ABCA7: variants seen among roughly 807,000 people sequenced by gnomAD.
The protein encoded by ABCA7 is phospholipid-transporting ATPase ABCA7.
ABCA7 carries 261 observed loss-of-function variants against 227.6 expected under a neutral mutation model. The ratio of observed to expected loss-of-function variants is 1.15; its 90% CI spans 1.04 to 1.27. The LOEUF is 1.27. Ranked by LOEUF, ABCA7 falls within the 50% of genes most tolerant of loss-of-function variation. The probability of loss-of-function intolerance (pLI) is 0.00; values close to 1 mark genes in which losing one functional copy is unlikely to be tolerated. For synonymous variants in ABCA7, 1,488 were observed against 1,279.7 expected, an observed-to-expected ratio of 1.16 and a Z score of -3.47; for missense variants, 3,331 against 2,924.5, an observed-to-expected ratio of 1.14 and a Z score of -3.21.
rs2042045940 is a variant in ABCA7 at position 1,054,275 on chromosome 19, G to A, written c.3660G>A (p.Gln1220=). ...RVQGWALTRQ[Q]LQALLLKRFL... ...AGGGCTGGGCACTGACCCGCCAGCA[G>A]CTCCAGGCCCTGCTTCTCAAGCGCT... Residue 1220 remains glutamine (Q), a synonymous_variant, in exon 27 of 47, where the codon CAG becomes CAA. Transcript: ENST00000263094. The surrounding 1 kb of genome is among the most constrained non-coding windows in gnomAD (Gnocchi z 4.8). The A allele has an allele frequency of 6.2e-7, 1 of 1,608,474 alleles. No homozygotes were observed. Among genetic ancestry groups the A allele is most frequent in the South Asian group, 1.1e-5 (1 of 90,978 alleles).
Position 1,063,725 on chromosome 19 carries a change from G to T in ABCA7, c.5848-35G>T, listed in dbSNP as rs540701509. The stretch of plus-strand genomic sequence containing the variant: ...GTGGGGTGGGGCCTGCGACGGAGGC[G>T]GGGCCTTGCTTATGGGATCTTCCGT... On this transcript the variant is annotated intron_variant, in intron 43 of 46. Coordinates refer to ENST00000263094, the MANE Select transcript of ABCA7 (RefSeq NM_019112.4). 9.3e-5 allele frequency: 145 copies of T among 1,551,574 alleles called. No homozygotes were observed. In the East Asian group the frequency reaches 3.3e-3, roughly 35 times the overall value.
rs199819322 is a variant in ABCA7 at position 1,048,928 on chromosome 19, C to T, written c.2303C>T (p.Pro768Leu). Residue 768 changes from proline to leucine, a missense_variant, in exon 17 of 47, where the codon CCT becomes CTT. By Grantham distance (98) the Pro-to-Leu change is moderately conservative. Transcript: ENST00000263094. The stretch of plus-strand genomic sequence containing the variant: ...GGGATCCCTGAACCATGGAATTTTC[C>T]TTTTCGGAGGAGCTACTGGTGCGGA... The part of the protein sequence containing the change: ...QYGIPEPWNF[P>L]FRRSYWCGPR... The T allele has an allele frequency of 4.2e-5, 67 of 1,609,684 alleles. No individual in the cohort carries two copies. In the South Asian group the frequency reaches 5.3e-4, roughly 13 times the overall value.
At chr19:1,057,787 A>C in intron 35 of ABCA7, 128 bp from the exon 36 acceptor site, 5 of 1,311,046 alleles carry the variant, frequency 3.8e-6, no homozygotes, top group South Asian at 2.9e-5. Flanking sequence ...GAAAAAAAAA[A>C]AAACAGAAAT....
intron 12 of ABCA7, among the ~76,000 whole-genome samples, chr19:1,045,968 C>T (rs908338098): frequency 7.0e-6 from 1 of 143,734 alleles, no homozygotes; most frequent in Non-Finnish European, 1.6e-5. Context: ...GATGGCGCCA[C>T]TGCACTCCAG....
intron 12 of ABCA7, 29 bp from the exon 13 acceptor site, chr19:1,046,201 T>C (rs766538113): frequency 2.1e-5 from 34 of 1,601,196 alleles, no homozygotes; most frequent in Non-Finnish European, 2.5e-5. Flanking sequence ...AGCCCTTCCC[T>C]ACAACCGGCC....
intron 11 of ABCA7, 82 bp downstream of exon 11, chr19:1,044,826 G>C (rs953441463): frequency 4.1e-5 from 62 of 1,503,442 alleles, no homozygotes; most frequent in Non-Finnish European, 4.2e-5. Context: ...GTGTTCCCAG[G>C]GGGAGGCGGG....
intron 13 of ABCA7, 90 bp downstream of exon 13, chr19:1,046,496 C>T: frequency 2.7e-6 from 4 of 1,481,200 alleles, no homozygotes; most frequent in Admixed American, 4.5e-5. Flanking sequence ...AACCTTCCTG[C>T]GGTCCAGGCT....
Position 1,064,171 on chromosome 19 carries a change from T to C in ABCA7, c.5962T>C (p.Cys1988Arg). ...VMLTSHSMEE[C>R]EALCSRLAIM... ...GCCGGGTCCCGACAGCATGGAGGAG[T>C]GTGAAGCGCTCTGCTCGCGCCTGGC... Residue 1988 changes from cysteine to arginine, a missense_variant, in exon 45 of 47, where the codon TGT becomes CGT. Cys to Arg is a radical substitution (Grantham distance 180). Coordinates refer to ENST00000263094, the MANE Select transcript of ABCA7 (RefSeq NM_019112.4). The C allele has an allele frequency of 6.4e-7, 1 of 1,571,670 alleles. No individual in the cohort carries two copies. Among genetic ancestry groups the C allele is most frequent in the Non-Finnish European group, 8.6e-7 (1 of 1,160,394 alleles).
In ABCA7 at chr19:1,040,889, C is replaced by A. The variant is rs2039962411; in HGVS notation, c.-137-336C>A. On this transcript the variant is annotated intron_variant, in intron 1 of 46. Transcript: ENST00000263094. ...GGGCGTGTGAAATGTCCAGCACTGC[C>A]AATATTCGTTGCTGTTATCTTCGGA... Among the ~76,000 whole-genome samples the A allele has an allele frequency of 5.3e-5, 8 of 152,164 alleles. No homozygotes were observed. In the South Asian group the frequency reaches 1.7e-3, roughly 32 times the overall value.
rs750993697 is a variant in ABCA7 at position 1,051,209 on chromosome 19, C to T, written c.2739C>T (p.Ala913=). ...WFYGRLKGLS[A]AVVGPEQDRL... Reference sequence around the variant, plus strand: ...ATGGGCGGCTGAAGGGTCTGAGTGCCGCTGTAGTGGGCCCCGAGCAGGACC... The same window carrying T: ...ATGGGCGGCTGAAGGGTCTGAGTGCTGCTGTAGTGGGCCCCGAGCAGGACC... The change falls in exon 20 of 47, where the codon GCC becomes GCT. Residue 913 remains alanine (A), a synonymous_variant. Coordinates refer to ENST00000263094, the MANE Select transcript of ABCA7 (RefSeq NM_019112.4). 13 of 1,611,092 alleles carry T rather than the reference C, an allele frequency of 8.1e-6. No individual in the cohort carries two copies. The highest frequency in any genetic ancestry group is 1.7e-5 in the Admixed American group (1 of 59,966).
At chr19:1,042,916 C>G in intron 7 of ABCA7, 90 bp downstream of exon 7, 2 of 1,512,080 alleles carry the variant, frequency 1.3e-6, no homozygotes, top group Non-Finnish European at 8.9e-7. Flanking sequence ...CGGGCACTTC[C>G]CTTGGGTGGG....
At chr19:1,064,534 A>C (rs2042910307) in intron 45 of ABCA7, 3 of 356,724 alleles carry the variant, frequency 8.4e-6, no homozygotes, top group Non-Finnish European at 1.5e-5. Flanking sequence ...GTGAGGGTGG[A>C]TTGATGGGTG....
intron 34 of ABCA7, 82 bp from the exon 35 acceptor site, chr19:1,057,232 G>T: frequency 6.4e-7 from 1 of 1,571,152 alleles, no homozygotes; most frequent in Non-Finnish European, 8.7e-7. Context: ...CAAAAAGCAA[G>T]GAGGTCAGGG....
chr19:1,048,717 G>T (rs977414112), intron 16 of ABCA7, among the ~76,000 whole-genome samples, 178 bp from the exon 17 acceptor site: 1 of 149,922 alleles, frequency 6.7e-6, no homozygotes, highest in Non-Finnish European at 1.5e-5. Context: ...GCTGAGGCAG[G>T]AGAATGACGT....
rs764459301 is a variant in ABCA7 at position 1,054,788 on chromosome 19, C to G, written c.3860C>G (p.Ala1287Gly). The stretch of plus-strand genomic sequence containing the variant: ...TCTCCCCTCACACACAGTGAGGACG[C>G]CCCAGGGGACCCTGGACGTGCCCGG... ...GAQVSFFSEDAPGDPGRARLL... is the reference protein window; with the variant it reads ...GAQVSFFSEDGPGDPGRARLL... The change falls in exon 29 of 47, where the codon GCC becomes GGC. Residue 1287 changes from alanine to glycine, a missense_variant. Transcript: ENST00000263094. This position sits in a 1 kb window ranked among gnomAD's most constrained non-coding sequence, Gnocchi z 4.8. The G allele has an allele frequency of 3.1e-5, 49 of 1,599,148 alleles. No homozygotes were observed. Among genetic ancestry groups the G allele is most frequent in the Non-Finnish European group, 3.3e-5 (39 of 1,173,690 alleles).
In ABCA7 at chr19:1,046,949, G is replaced by A. The variant is rs1188874288; in HGVS notation, c.1770G>A (p.Val590=). ...GCGCCATGGGGCTCAGCCGCGCGGT[G>A]CTCTGGCTAGGCTGGTTCCTCAGCT... is the stretch of plus-strand genomic sequence containing the variant. The part of the protein sequence containing the change: ...TMRAMGLSRA[V]LWLGWFLSCL... The change falls in exon 14 of 47, where the codon GTG becomes GTA. Residue 590 remains valine, a synonymous_variant. Transcript: ENST00000263094. 6.4e-7 allele frequency: 1 copy of A among 1,570,334 alleles called. No individual in the cohort carries two copies. Among genetic ancestry groups the A allele is most frequent in the Non-Finnish European group, 8.6e-7 (1 of 1,166,424 alleles).
chr19:1,057,538 G>C, intron 35 of ABCA7, 109 bp downstream of exon 35: 1 of 1,116,836 alleles, frequency 9.0e-7, no homozygotes, highest in Non-Finnish European at 1.3e-6. Context: ...AGGATATGGA[G>C]GTCTGAGGTG....
Position 1,054,699 on chromosome 19 carries a change from G to T in ABCA7, c.3851+5G>T. On this transcript the variant is annotated splice_donor_5th_base_variant and intron_variant, in intron 28 of 46. Transcript: ENST00000263094. This position sits in a 1 kb window ranked among gnomAD's most constrained non-coding sequence, Gnocchi z 4.8. ...TGCTCAGGTGTCCTTCTTCAGGTGG[G>T]TGCAGAAGGAAGGGGCTGGTGGCAG... 2 of 1,611,406 alleles carry T rather than the reference G, an allele frequency of 1.2e-6. No homozygotes were observed. Among genetic ancestry groups the T allele is most frequent in the Non-Finnish European group, 1.7e-6 (2 of 1,178,278 alleles).
At chr19:1,057,775 A>G (rs2042382160) in intron 35 of ABCA7, 140 bp from the exon 36 acceptor site, 9 of 1,207,970 alleles carry the variant, frequency 7.5e-6, no homozygotes, top group Non-Finnish European at 1.0e-5. Context: ...GAAAGAGAGA[A>G]AGAAAAAAAA....
Sources: allele counts gnomAD v4.1 joint callset (sites outside exome capture counted in the v4.1 genomes callset), GRCh38; gene constraint gnomAD v4.1.1; non-coding constraint Gnocchi (gnomAD v3.1); transcripts MANE v1.5; gene names NCBI Gene and HGNC (gene_info 2026-07-23, HGNC 2026-07-21).